ACSM3: variants seen among roughly 807,000 people sequenced by gnomAD.
The protein encoded by ACSM3 is acyl-coenzyme A synthetase ACSM3, mitochondrial.
In ACSM3, 61 loss-of-function variants were observed where a neutral mutation model predicts 74.1. The observed-to-expected ratio is 0.82, with a 90% CI of 0.67 to 1.02. The LOEUF (loss-of-function observed/expected upper bound fraction) is 1.02, where lower values mean the gene tolerates loss of function less well. Ranked by LOEUF, ACSM3 falls within the 50% of genes least tolerant of loss-of-function variation. The pLI, the probability that ACSM3 is intolerant of heterozygous loss-of-function variation, is 0.00. For missense variants in ACSM3, 660 were observed against 697.0 expected (o/e 0.95, Z 0.60); for synonymous variants, 213 against 241.5 (o/e 0.88, Z 1.09).
In ACSM3 at chr16:20,783,883, C is replaced by A. The variant is rs139070792; in HGVS notation, c.1020-1101C>A. 1.5e-3 allele frequency among the ~76,000 whole-genome samples: 234 copies of A among 152,022 alleles called. 2 individuals carry two copies. Among genetic ancestry groups the A allele is most frequent in the Admixed American group, 4.9e-3 (75 of 15,266 alleles). ...AGTGCAGTGGCACAATCTCGGCTCA[C>A]TGCAACCTCCGCCTCCTGTTCAAGC... On this transcript the variant is annotated intron_variant, in intron 7 of 13. Transcript: ENST00000289416.
chr16:20,744,723 A>G (rs948136555), intron 1 of ACSM3, among the ~76,000 whole-genome samples: 1 of 152,078 alleles, frequency 6.6e-6, no homozygotes, highest in Admixed American at 6.6e-5. Flanking sequence ...GTTGTAACCT[A>G]TTGGGCTGTT....
chr16:20,793,014 G>C (rs1407186352), intron 12 of ACSM3, among the ~76,000 whole-genome samples: 2 of 152,132 alleles, frequency 1.3e-5, no homozygotes, highest in Admixed American at 1.3e-4. Context: ...TTCTAACACT[G>C]AATCCAAGTT....
intron 1 of ACSM3, among the ~76,000 whole-genome samples, chr16:20,708,952 A>C (rs1204107338): frequency 6.6e-6 from 1 of 152,266 alleles, no homozygotes; most frequent in Non-Finnish European, 1.5e-5. Context: ...AATAGAATAG[A>C]GCCCAGAAAT....
intron 1 of ACSM3, chr16:20,682,476 A>G: frequency 1.2e-6 from 2 of 1,608,862 alleles, no homozygotes; most frequent in Non-Finnish European, 1.7e-6. Context: ...GGGGATGAGA[A>G]AGGAACTGAT....
chr16:20,796,091 G>C (rs559606343), intron 12 of ACSM3: 221 of 323,510 alleles, frequency 6.8e-4, no homozygotes, highest in Non-Finnish European at 9.4e-4. Context: ...CTTCAACAAA[G>C]ACATGGCAAA....
chr16:20,785,871 GATAT>G (rs1237742753), intron 8 of ACSM3, among the ~76,000 whole-genome samples: 1 of 152,078 alleles, frequency 6.6e-6, no homozygotes, highest in East Asian at 1.9e-4. Context: ...GATAAATATG[GATAT>G]ATGAGTAATT....
chr16:20,691,081 T>A, intron 1 of ACSM3: 1 of 1,613,772 alleles, frequency 6.2e-7, no homozygotes. Flanking sequence ...ATCTTGGGGC[T>A]CCAAATTCTG....
At chr16:20,732,256 TG>T (rs1165644563) in intron 1 of ACSM3, among the ~76,000 whole-genome samples, 1 of 152,146 alleles carries the variant, frequency 6.6e-6, no homozygotes, top group Non-Finnish European at 1.5e-5. Flanking sequence ...ACCATGGAAT[TG>T]GTTGATACTG....
intron 1 of ACSM3, among the ~76,000 whole-genome samples, chr16:20,696,883 T>C (rs140964643): frequency 1.2e-4 from 19 of 152,326 alleles, no homozygotes; most frequent in African/African-American, 4.6e-4. Context: ...TTTGTCTCTG[T>C]TGTCTAGCAG....
At chr16:20,781,492 C>A (rs2080352352) in intron 6 of ACSM3, among the ~76,000 whole-genome samples, 2 of 152,116 alleles carry the variant, frequency 1.3e-5, no homozygotes, top group African/African-American at 4.8e-5. Flanking sequence ...GGAGGATATG[C>A]ATAGGTTATA....
intron 1 of ACSM3, chr16:20,727,318 GC>G (rs2079810011): frequency 7.0e-6 from 4 of 575,060 alleles, no homozygotes; most frequent in Admixed American, 5.9e-5. Context: ...TCTCAAAAAG[GC>G]CCCATGCAAC....
At position 20,797,290 on chromosome 16, in the gene ACSM3, G is replaced by A; in HGVS notation, c.*318G>A. The A allele has an allele frequency of 9.6e-7, 1 of 1,041,264 alleles. No individual in the cohort carries two copies. Among genetic ancestry groups the A allele is most frequent in the Non-Finnish European group, 1.2e-6 (1 of 868,952 alleles). The allele number at this position is 1,041,264 out of a possible 1,614,324, so 64.5% of individuals were successfully genotyped here. A position where few individuals can be genotyped will look rare whatever the true frequency, so the allele number is the denominator to read the frequency against. On this transcript the variant is annotated 3_prime_UTR_variant, in exon 14 of 14. Transcript: ENST00000289416. ...CTACATAGGTTTTCAAACTTTAGTTGACTAATTCTTCTGATATGTTGATAT... is the reference window on the plus strand; with the variant it reads ...CTACATAGGTTTTCAAACTTTAGTTAACTAATTCTTCTGATATGTTGATAT...
At chr16:20,755,652 T>TTATTATTAC (rs2080023725) in intron 3 of ACSM3, 1 of 150,378 alleles carries the variant, frequency 6.6e-6, no homozygotes, top group Admixed American at 6.6e-5. Context: ...ATTATTATTA[T>TTATTATTAC]ACTTTAAGTT....
At chr16:20,761,542 AC>A (rs976626274), upstream of ACSM3, among the ~76,000 whole-genome samples, 19 of 151,420 alleles carry the variant, frequency 1.3e-4, no homozygotes, top group Non-Finnish European at 2.7e-4. Flanking sequence ...TATAGTGAAA[AC>A]CCCCCACACG....
At chr16:20,715,921 C>T (rs1035908624) in intron 1 of ACSM3, among the ~76,000 whole-genome samples, 3 of 152,132 alleles carry the variant, frequency 2.0e-5, no homozygotes, top group East Asian at 1.9e-4. Flanking sequence ...GACTGGGGCT[C>T]GAGTATCCAA....
chr16:20,737,965 A>C, intron 1 of ACSM3: 1 of 1,566,764 alleles, frequency 6.4e-7, no homozygotes, highest in Non-Finnish European at 8.6e-7. Context: ...CTCTTAAGAA[A>C]AAAAAAAAGT....
chr16:20,794,630 G>T (rs969995894), intron 12 of ACSM3, among the ~76,000 whole-genome samples: 5 of 152,172 alleles, frequency 3.3e-5, no homozygotes, highest in African/African-American at 1.2e-4. Context: ...TGGATTCTGG[G>T]TTAAAAAATA....
chr16:20,778,758 T>C (rs1444448575), intron 4 of ACSM3, among the ~76,000 whole-genome samples: 2 of 125,882 alleles, frequency 1.6e-5, no homozygotes, highest in African/African-American at 5.2e-5. Flanking sequence ...CTATAGATAC[T>C]TTTTTTTTTT....
At chr16:20,685,085 C>T in intron 1 of ACSM3, 1 of 1,205,878 alleles carries the variant, frequency 8.3e-7, no homozygotes, top group Non-Finnish European at 1.2e-6. Flanking sequence ...GGGGCGAAGG[C>T]TTCAAAGCTG....
Sources: gnomAD v4.1 joint callset for allele counts (sites outside exome capture counted in the v4.1 genomes callset) on GRCh38, gnomAD v4.1.1 for gene constraint, MANE v1.5 for transcripts, NCBI Gene and HGNC (gene_info 2026-07-23, HGNC 2026-07-21) for gene names.